RCBTB1: variants seen among roughly 807,000 people sequenced by gnomAD.
RCBTB1 encodes the protein RCC1 and BTB domain-containing protein 1.
RCBTB1 carries 46 observed loss-of-function variants against 62.4 expected under a neutral mutation model. The observed-to-expected ratio is 0.74, with a 90% CI of 0.58 to 0.94. The LOEUF is 0.94. Ranked by LOEUF, RCBTB1 falls within the 40% of genes least tolerant of loss-of-function variation. RCBTB1 has a pLI of 0.00. For synonymous variants in RCBTB1, 222 were observed against 245.8 expected, an observed-to-expected ratio of 0.90 and a Z score of 0.91; for missense variants, 565 against 654.9, an observed-to-expected ratio of 0.86 and a Z score of 1.50.
chr13:49,541,872 T>C (rs755061078), intron 10 of RCBTB1, 45 bp from the exon 11 acceptor site: 1 of 1,544,568 alleles, frequency 6.5e-7, no homozygotes, highest in Admixed American at 2.2e-5. Context: ...CAGCAATTTT[T>C]AAAAAAGAAA....
At chr13:49,565,156 A>AAG (rs1202172276) in intron 4 of RCBTB1, among the ~76,000 whole-genome samples, 37 of 152,258 alleles carry the variant, frequency 2.4e-4, no homozygotes, top group African/African-American at 8.7e-4. Context: ...CTGCGATTGC[A>AAG]GGGGCGCGCC....
intron 5 of RCBTB1, among the ~76,000 whole-genome samples, chr13:49,555,957 G>A (rs922521366): frequency 4.6e-5 from 7 of 152,060 alleles, no homozygotes; most frequent in African/African-American, 1.7e-4. Flanking sequence ...GGTAAGTAGC[G>A]CTAAGAGAAT....
Position 49,566,767 on chromosome 13 carries a change from A to T in RCBTB1, c.128T>A (p.Val43Asp). 1 of 1,599,948 alleles carries T rather than the reference A, an allele frequency of 6.3e-7. No homozygotes were observed. The highest frequency in any genetic ancestry group is 8.5e-7 in the Non-Finnish European group (1 of 1,175,506). ...EALYVTDNDE[V>D]FVFGLNYSNC... Reference sequence around the variant, plus strand: ...ACTATAGTTCAGTCCAAATACAAAGACCTAGAAAATAGATAGTTTTTTTTC... The same window carrying T: ...ACTATAGTTCAGTCCAAATACAAAGTCCTAGAAAATAGATAGTTTTTTTTC... Residue 43 changes from valine to aspartate, a missense_variant and splice_region_variant, in exon 4 of 13, where the codon GTC becomes GAC. Transcript: ENST00000378302.
At chr13:49,550,725 C>T (rs1212141435) in intron 8 of RCBTB1, among the ~76,000 whole-genome samples, 5 of 152,196 alleles carry the variant, frequency 3.3e-5, no homozygotes. Flanking sequence ...TGCATTCACA[C>T]CTATCAATCA....
chr13:49,535,256 C>G (rs910876027), intron 12 of RCBTB1, among the ~76,000 whole-genome samples: 1 of 152,134 alleles, frequency 6.6e-6, no homozygotes, highest in Non-Finnish European at 1.5e-5. Context: ...AAACCAGAAC[C>G]ATTTCAAAAT....
intron 4 of RCBTB1, among the ~76,000 whole-genome samples, chr13:49,561,938 A>G (rs1413618146): frequency 6.6e-6 from 1 of 151,736 alleles, no homozygotes; most frequent in African/African-American, 2.4e-5. Flanking sequence ...CTAAAAAAAA[A>G]AAAAAAATAC....
intron 1 of RCBTB1, among the ~76,000 whole-genome samples, chr13:49,581,728 G>GA (rs1964112879): frequency 2.0e-5 from 3 of 152,232 alleles, no homozygotes; most frequent in African/African-American, 7.2e-5. Flanking sequence ...CCAGGAGACA[G>GA]AGTGTCACAG....
At chr13:49,576,177 CAAAAAAAAAAAAA>C (rs71078868) in intron 2 of RCBTB1, among the ~76,000 whole-genome samples, 37 of 39,988 alleles carry the variant, frequency 9.3e-4, no homozygotes, top group South Asian at 3.4e-3. Context: ...ACAGGCGTCG[CAAAAAAAAAAAAA>C]AAAAAAAAAA....
At chr13:49,535,596 G>GT (rs1959878031) in intron 12 of RCBTB1, among the ~76,000 whole-genome samples, 2 of 152,098 alleles carry the variant, frequency 1.3e-5, no homozygotes, top group African/African-American at 4.8e-5. Context: ...ACACAAACAT[G>GT]GAGAGACCCC....
At chr13:49,565,507 G>A (rs1266051531) in intron 4 of RCBTB1, among the ~76,000 whole-genome samples, 19 of 148,382 alleles carry the variant, frequency 1.3e-4, no homozygotes, top group South Asian at 6.5e-4. Flanking sequence ...CCCTCTGCCC[G>A]GCTGCCCAGT....
chr13:49,572,004 TAAG>T (rs1260946185), intron 2 of RCBTB1, among the ~76,000 whole-genome samples: 1 of 151,990 alleles, frequency 6.6e-6, no homozygotes, highest in Admixed American at 6.6e-5. Context: ...ACGTCAGACT[TAAG>T]AACTGTGCGG....
At chr13:49,549,967 A>G in intron 8 of RCBTB1, 1 of 883,460 alleles carries the variant, frequency 1.1e-6, no homozygotes. Context: ...GCCCTAACAA[A>G]TGTGATGGCT....
chr13:49,541,938 G>A (rs914192683), intron 10 of RCBTB1, 111 bp from the exon 11 acceptor site: 20 of 1,240,042 alleles, frequency 1.6e-5, no homozygotes, highest in South Asian at 1.3e-4. Flanking sequence ...TCCTTGGGCC[G>A]GGCGTGGTGG....
At chr13:49,542,531 C>G (rs983957042) in intron 10 of RCBTB1, among the ~76,000 whole-genome samples, 1 of 151,986 alleles carries the variant, frequency 6.6e-6, no homozygotes, top group East Asian at 1.9e-4. Flanking sequence ...AACAAGAGTT[C>G]AAAACTTTTG....
intron 8 of RCBTB1, 185 bp downstream of exon 8, chr13:49,551,141 G>T: frequency 3.5e-6 from 2 of 567,190 alleles, no homozygotes; most frequent in African/African-American, 2.0e-5. Flanking sequence ...AGGGAGAAGG[G>T]GGAAGGGGGA....
At chr13:49,535,954 C>A (rs7329125) in intron 12 of RCBTB1, among the ~76,000 whole-genome samples, 1 of 149,698 alleles carries the variant, frequency 6.7e-6, no homozygotes, top group South Asian at 2.1e-4. Flanking sequence ...ACCCAGGAGG[C>A]GGAGGTTGCA....
At chr13:49,555,193 G>A (rs1235264918) in intron 6 of RCBTB1, among the ~76,000 whole-genome samples, 2 of 152,238 alleles carry the variant, frequency 1.3e-5, no homozygotes, top group Non-Finnish European at 2.9e-5. Flanking sequence ...TTCATTGGAA[G>A]AGAAAGGTAG....
intron 5 of RCBTB1, among the ~76,000 whole-genome samples, chr13:49,556,430 T>C (rs561813559): frequency 9.3e-4 from 141 of 152,136 alleles, no homozygotes; most frequent in African/African-American, 3.2e-3. Flanking sequence ...GACCACGTGG[T>C]CCACCCATCT....
chr13:49,546,841 T>C, intron 9 of RCBTB1: 1 of 513,960 alleles, frequency 1.9e-6, no homozygotes, highest in Non-Finnish European at 2.5e-6. Flanking sequence ...ACTCACCTCC[T>C]GCCGTGCAAC....
Sources: gnomAD v4.1 joint callset for allele counts (sites outside exome capture counted in the v4.1 genomes callset) on GRCh38, gnomAD v4.1.1 for gene constraint, MANE v1.5 for transcripts, NCBI Gene and HGNC (gene_info 2026-07-23, HGNC 2026-07-21) for gene names.